Variants in ATG10 observed in about 807,000 individuals in gnomAD.
ATG10 encodes ubiquitin-like-conjugating enzyme ATG10.
A neutral mutation model predicts 32.1 loss-of-function variants in ATG10; 30 were observed. The observed-to-expected ratio is 0.94, with a 90% confidence interval of 0.70 to 1.27. ATG10 has a LOEUF of 1.27. ATG10 is among the 50% of genes most tolerant of loss of function. The probability of loss-of-function intolerance (pLI) is 0.00; values close to 1 mark genes in which losing one functional copy is unlikely to be tolerated. For missense variants in ATG10, 233 were observed against 262.3 expected (o/e 0.89, Z 0.77); for synonymous variants, 87 against 91.5 (o/e 0.95, Z 0.28).
At chr5:82,173,650 G>A (rs1043511528) in intron 4 of ATG10, among the ~76,000 whole-genome samples, 3 of 152,132 alleles carry the variant, frequency 2.0e-5, no homozygotes, top group African/African-American at 7.2e-5. Flanking sequence ...AAGTATTCAA[G>A]AGATTTTACT....
At position 82,043,917 on chromosome 5, in the gene ATG10, ATCT is replaced by A. The variant is rs1763160115; in HGVS notation, c.109-14571_109-14569del. ...GTTCCAAACTTTCTCACATCTTCCT[ATCT>A]TCTTCTGAGCCCTCCAAACTGTTCC... On this transcript the variant is annotated intron_variant, in intron 2 of 7. Coordinates refer to ENST00000282185, the MANE Select transcript of ATG10 (RefSeq NM_031482.5). 2.0e-5 allele frequency among the ~76,000 whole-genome samples: 3 copies of A among 152,164 alleles called. No individual in the cohort carries two copies. The South Asian group carries it at 6.2e-4, about 32-fold the overall frequency.
intron 3 of ATG10, among the ~76,000 whole-genome samples, chr5:82,070,030 G>A (rs1198268543): frequency 6.6e-6 from 1 of 152,164 alleles, no homozygotes; most frequent in African/African-American, 2.4e-5. Context: ...TAAGTCTTAC[G>A]TATTTGTGAT....
intron 2 of ATG10, among the ~76,000 whole-genome samples, chr5:82,016,582 G>A (rs1268039213): frequency 6.6e-6 from 1 of 152,058 alleles, no homozygotes; most frequent in African/African-American, 2.4e-5. Context: ...GGTTCCATAT[G>A]AATTTTAGGA....
At chr5:82,060,477 A>G (rs984835793) in intron 3 of ATG10, among the ~76,000 whole-genome samples, 6 of 152,248 alleles carry the variant, frequency 3.9e-5, no homozygotes, top group African/African-American at 1.4e-4. Flanking sequence ...GGAAATATAC[A>G]ATAGTAATGG....
At chr5:82,201,725 T>C (rs762782504) in intron 5 of ATG10, among the ~76,000 whole-genome samples, 1 of 152,206 alleles carries the variant, frequency 6.6e-6, no homozygotes, top group Non-Finnish European at 1.5e-5. Context: ...GTGGGTTGAT[T>C]TGGAAAGAAT....
Position 82,252,557 on chromosome 5 carries a change from T to C in ATG10, c.454-5T>C. On this transcript the variant is annotated splice_polypyrimidine_tract_variant and splice_region_variant and intron_variant, in intron 5 of 7. Coordinates refer to ENST00000282185, the MANE Select transcript of ATG10 (RefSeq NM_031482.5). ...CTGATCCTGGACCAATTCTGATTCT[T>C]ACAGGAACATCCAATACTTGGGCAA... The C allele has an allele frequency of 3.2e-6, 5 of 1,582,058 alleles. No homozygotes were observed. Among genetic ancestry groups the C allele is most frequent in the Non-Finnish European group, 3.5e-6 (4 of 1,153,286 alleles).
At chr5:81,999,396 A>C (rs991978980) in intron 2 of ATG10, among the ~76,000 whole-genome samples, 1 of 152,182 alleles carries the variant, frequency 6.6e-6, no homozygotes, top group African/African-American at 2.4e-5. Context: ...ATAAGAGGGA[A>C]GTTTACAGCC....
At chr5:82,245,369 T>C (rs1424271696) in intron 5 of ATG10, among the ~76,000 whole-genome samples, 2 of 152,236 alleles carry the variant, frequency 1.3e-5, no homozygotes, top group African/African-American at 4.8e-5. Context: ...ATTGATTGTC[T>C]GCACCGTTAA....
intron 2 of ATG10, among the ~76,000 whole-genome samples, chr5:82,003,145 T>A (rs796116453): frequency 5.3e-5 from 8 of 152,330 alleles, no homozygotes; most frequent in African/African-American, 1.7e-4. Context: ...AAATAAGTAC[T>A]TATGTATTTA....
At chr5:82,022,629 CTT>C (rs34410757) in intron 2 of ATG10, among the ~76,000 whole-genome samples, 30 of 135,150 alleles carry the variant, frequency 2.2e-4, no homozygotes, top group South Asian at 2.4e-4. Flanking sequence ...AGCCAGTACT[CTT>C]TTTTTTTTTT....
chr5:82,140,038 G>A (rs1221701221), intron 3 of ATG10, among the ~76,000 whole-genome samples: 2 of 136,324 alleles, frequency 1.5e-5, no homozygotes. Flanking sequence ...CCCTCTGCCC[G>A]GCCAGCCGCC....
At chr5:82,238,513 C>A (rs1290504626) in intron 5 of ATG10, among the ~76,000 whole-genome samples, 1 of 151,982 alleles carries the variant, frequency 6.6e-6, no homozygotes, top group African/African-American at 2.4e-5. Flanking sequence ...GACTGTAAAC[C>A]CCATGAATTA....
chr5:82,089,956 A>G (rs1764824456), intron 3 of ATG10, among the ~76,000 whole-genome samples: 1 of 152,114 alleles, frequency 6.6e-6, no homozygotes, highest in Non-Finnish European at 1.5e-5. Flanking sequence ...ACTGAAGGGA[A>G]TATATAGATG....
At chr5:81,975,584 A>C (rs1760846923) in intron 1 of ATG10, among the ~76,000 whole-genome samples, 1 of 152,088 alleles carries the variant, frequency 6.6e-6, no homozygotes, top group African/African-American at 2.4e-5. Context: ...CAAGAGGCTG[A>C]GGCGGGAGGA....
At chr5:82,234,059 A>G (rs1325122484) in intron 5 of ATG10, among the ~76,000 whole-genome samples, 2 of 152,142 alleles carry the variant, frequency 1.3e-5, no homozygotes, top group African/African-American at 4.8e-5. Context: ...TATGAGGAGA[A>G]ACTAATGGAA....
chr5:82,163,367 G>A (rs1743444463), intron 3 of ATG10, among the ~76,000 whole-genome samples: 1 of 152,178 alleles, frequency 6.6e-6, no homozygotes, highest in African/African-American at 2.4e-5. Flanking sequence ...AACTGACTGT[G>A]AGTAGGGAAT....
chr5:82,200,864 A>ATTATTTAT (rs34770803), intron 5 of ATG10, among the ~76,000 whole-genome samples: 6,361 of 143,106 alleles, frequency 0.044, 284 homozygotes, highest in African/African-American at 0.11. Flanking sequence ...TTAAAAATAC[A>ATTATTTAT]TTATTTATTT....
chr5:82,015,933 T>G (rs188894511), intron 2 of ATG10, among the ~76,000 whole-genome samples: 20 of 152,264 alleles, frequency 1.3e-4, no homozygotes, highest in Admixed American at 1.3e-3. Flanking sequence ...TTCTGTGCTG[T>G]TTTTTCCCCA....
intron 2 of ATG10, among the ~76,000 whole-genome samples, chr5:82,034,072 T>C (rs543680518): frequency 6.6e-6 from 1 of 150,464 alleles, no homozygotes; most frequent in African/African-American, 2.4e-5. Flanking sequence ...GTGTATATTG[T>C]ATGTGTATAT....
Sources: allele counts gnomAD v4.1 joint callset (sites outside exome capture counted in the v4.1 genomes callset), GRCh38; gene constraint gnomAD v4.1.1; transcripts MANE v1.5; gene names NCBI Gene and HGNC (gene_info 2026-07-23, HGNC 2026-07-21).